The following RDH10 variants were observed in gnomAD, a reference collection of about 807,000 sequenced individuals.
The protein encoded by RDH10 is retinol dehydrogenase 10, also known as retinol dehydrogenase 10 (all-trans).
RDH10 carries 12 observed loss-of-function variants against 30.2 expected under a neutral mutation model. That is an observed-to-expected ratio of 0.40 (90% CI 0.25 to 0.64). The LOEUF (loss-of-function observed/expected upper bound fraction) is 0.64, where lower values mean the gene tolerates loss of function less well. Among genes scored for constraint, RDH10 ranks in the 30% least tolerant of loss-of-function variants. RDH10 has a pLI of 0.43. For missense variants in RDH10, 268 were observed against 445.2 expected (o/e 0.60, Z 3.58); for synonymous variants, 189 against 172.2 (o/e 1.10, Z -0.76).
intron 1 of RDH10, chr8:73,296,906 C>T (rs1234780842): frequency 2.6e-6 from 1 of 389,158 alleles, no homozygotes; most frequent in Non-Finnish European, 4.9e-6. Flanking sequence ...GTGTCTTTAG[C>T]TCCAGCAAGC....
At chr8:73,308,722 G>A (rs1286832410) in intron 2 of RDH10, among the ~76,000 whole-genome samples, 1 of 151,960 alleles carries the variant, frequency 6.6e-6, no homozygotes, top group Admixed American at 6.6e-5. Flanking sequence ...TCATACTAGG[G>A]GCTCTTGCAC....
In RDH10 at chr8:73,319,127, A is replaced by C. The variant is rs1310116206; in HGVS notation, c.557A>C (p.Glu186Ala). Residue 186 changes from glutamate to alanine, a missense_variant, in exon 3 of 6, where the codon GAG becomes GCG. Physicochemically the swap from Glu to Ala is moderately radical, Grantham distance 107. Around this residue, in one of 4 missense-constraint regions of RDH10, gnomAD observed 136 missense variants for 288.8 expected, o/e 0.47. Coordinates refer to ENST00000240285, the MANE Select transcript of RDH10 (RefSeq NM_172037.5). ...TTKAFLPTML[E>A]INHGHIVTVA... ...AAGGCTTTTCTTCCTACGATGCTGG[A>C]GATTAATCATGGTCATATTGTGACA... 1 of 1,613,142 alleles carries C rather than the reference A, an allele frequency of 6.2e-7. No homozygotes were observed. The highest frequency in any genetic ancestry group is 1.7e-4 in the Middle Eastern group (1 of 6,060).
At chr8:73,322,526 A>C in intron 4 of RDH10, 153 bp from the exon 5 acceptor site, 1 of 701,568 alleles carries the variant, frequency 1.4e-6, no homozygotes, top group Non-Finnish European at 2.3e-6. Flanking sequence ...ATAGCAGGAA[A>C]ATTTGGAAAA....
intron 1 of RDH10, among the ~76,000 whole-genome samples, chr8:73,296,192 C>T (rs977242476): frequency 1.3e-5 from 2 of 151,884 alleles, no homozygotes; most frequent in East Asian, 1.9e-4. Flanking sequence ...TTTTGGTCAC[C>T]CCAGAAAATC....
At position 73,324,021 on chromosome 8, in the gene RDH10, C is replaced by G. The variant is rs1408374533; in HGVS notation, c.*985C>G. 2 of 152,626 alleles carry G rather than the reference C, an allele frequency of 1.3e-5. No individual in the cohort carries two copies. The highest frequency in any genetic ancestry group is 2.9e-5 in the Non-Finnish European group (2 of 68,050). The allele number at this position is 152,626 out of a possible 1,614,324, so 9.5% of individuals were successfully genotyped here. The stretch of plus-strand genomic sequence containing the variant: ...GACCTAATTATCCTAAAAGATCATA[C>G]ATTTTCTACCTATGAATTTTGCTGC... On this transcript the variant is annotated 3_prime_UTR_variant, in exon 6 of 6. Transcript: ENST00000240285.
At chr8:73,309,643 A>G (rs1814529192) in intron 2 of RDH10, among the ~76,000 whole-genome samples, 1 of 151,244 alleles carries the variant, frequency 6.6e-6, no homozygotes, top group Non-Finnish European at 1.5e-5. Context: ...TCCAGCCCCA[A>G]ATATATTCCA....
chr8:73,295,816 CG>C, intron 1 of RDH10: 10 of 1,120,098 alleles, frequency 8.9e-6, no homozygotes, highest in Non-Finnish European at 1.1e-5. Context: ...GGGACCACGG[CG>C]GGGGGAGGGG....
At chr8:73,299,702 A>T (rs1382330075) in intron 2 of RDH10, among the ~76,000 whole-genome samples, 3 of 152,216 alleles carry the variant, frequency 2.0e-5, no homozygotes, top group Non-Finnish European at 2.9e-5. Flanking sequence ...CTTTGTCTGC[A>T]TGATTATTTT....
At chr8:73,318,821 CTGCCAA>C (rs1334164720) in intron 2 of RDH10, among the ~76,000 whole-genome samples, 2 of 152,224 alleles carry the variant, frequency 1.3e-5, no homozygotes, top group African/African-American at 4.8e-5. Context: ...TAAGAAGCTT[CTGCCAA>C]TGGCTCTCTT....
At chr8:73,312,898 T>A (rs1814594033) in intron 2 of RDH10, 2 of 152,238 alleles carry the variant, frequency 1.3e-5, no homozygotes, top group South Asian at 2.1e-4. Context: ...TTTTAAAAGA[T>A]GCCTTTTCTT....
chr8:73,308,723 G>A (rs188796100), intron 2 of RDH10, among the ~76,000 whole-genome samples: 73 of 152,146 alleles, frequency 4.8e-4, no homozygotes, highest in African/African-American at 1.7e-3. Context: ...CATACTAGGG[G>A]CTCTTGCACT....
In RDH10 at chr8:73,324,189, A is replaced by G. The variant is rs1160408848; in HGVS notation, c.*1153A>G. On this transcript the variant is annotated 3_prime_UTR_variant, in exon 6 of 6. Coordinates refer to ENST00000240285, the MANE Select transcript of RDH10 (RefSeq NM_172037.5). ...ATTGAAAAGTCCCCATTTTTGTGCC[A>G]ACTATGATTAGTGAGAGGAAGAAAT... 1.3e-5 allele frequency: 2 copies of G among 152,768 alleles called. No individual in the cohort carries two copies. The highest frequency in any genetic ancestry group is 6.5e-5 in the Admixed American group (1 of 15,308). 9.5% of individuals were successfully genotyped at this position (152,768 alleles called of 1,614,324 possible).
chr8:73,322,227 C>G, intron 4 of RDH10: 3 of 334,724 alleles, frequency 9.0e-6, no homozygotes, highest in South Asian at 7.3e-5. Context: ...TTAGCTTTCC[C>G]TCTTCCGGCA....
At position 73,322,703 on chromosome 8, in the gene RDH10, A is replaced by G; in HGVS notation, c.795A>G (p.Pro265=). 2 of 1,611,550 alleles carry G rather than the reference A, an allele frequency of 1.2e-6. No individual in the cohort carries two copies. Among genetic ancestry groups the G allele is most frequent in the Non-Finnish European group, 1.7e-6 (2 of 1,179,346 alleles). ...GGAAAGAAATTGAGCCTTTTCTGCCACCTCTGAAGCCTGATTACTGTGTGA... is the reference window on the plus strand; with the variant it reads ...GGAAAGAAATTGAGCCTTTTCTGCCGCCTCTGAAGCCTGATTACTGTGTGA... The part of the protein sequence containing the change: ...RIRKEIEPFL[P]PLKPDYCVKQ... Residue 265 remains proline (P), a synonymous_variant, in exon 5 of 6, where the codon CCA becomes CCG. Coordinates refer to ENST00000240285, the MANE Select transcript of RDH10 (RefSeq NM_172037.5).
intron 2 of RDH10, among the ~76,000 whole-genome samples, chr8:73,306,052 A>T (rs1240446490): frequency 6.6e-6 from 1 of 152,246 alleles, no homozygotes; most frequent in African/African-American, 2.4e-5. Flanking sequence ...ATAACTCAGA[A>T]GATGGGGGTT....
In RDH10 at chr8:73,295,401, G is replaced by T; in HGVS notation, c.112G>T (p.Val38Leu). The change falls in exon 1 of 6, where the codon GTG becomes TTG. Residue 38 changes from valine to leucine, a missense_variant. Val to Leu is a conservative substitution (Grantham distance 32, BLOSUM62 1). This residue lies in a region of RDH10 where 42 missense variants were observed against 77.6 expected (regional missense o/e 0.54). Transcript: ENST00000240285. ...RPKEKSVAGQ[V>L]CLITGAGSGL... The stretch of plus-strand genomic sequence containing the variant: ...CAAGGAGAAGAGCGTGGCGGGCCAG[G>T]TGTGCCTCATCACCGGCGCCGGCAG... 6.4e-7 allele frequency: 1 copy of T among 1,551,148 alleles called. No homozygotes were observed. The highest frequency in any genetic ancestry group is 8.7e-7 in the Non-Finnish European group (1 of 1,149,374).
intron 2 of RDH10, among the ~76,000 whole-genome samples, chr8:73,316,036 A>G (rs548930624): frequency 6.6e-6 from 1 of 152,146 alleles, no homozygotes; most frequent in East Asian, 1.9e-4. Flanking sequence ...TAGTTGTTTG[A>G]GGCAGGGTCT....
In RDH10 at chr8:73,322,697, T is replaced by A. The variant is rs531103692; in HGVS notation, c.789T>A (p.Phe263Leu). The A allele has an allele frequency of 3.7e-6, 6 of 1,610,734 alleles. No homozygotes were observed. The East Asian group carries it at 1.3e-4, about 36-fold the overall frequency. ...GCRIRKEIEP[F>L]LPPLKPDYCV... ...CTTTCAGGAAAGAAATTGAGCCTTTTCTGCCACCTCTGAAGCCTGATTACT... is the reference window on the plus strand; with the variant it reads ...CTTTCAGGAAAGAAATTGAGCCTTTACTGCCACCTCTGAAGCCTGATTACT... The change falls in exon 5 of 6, where the codon TTT becomes TTA. Residue 263 changes from phenylalanine (F) to leucine (L), a missense_variant. Transcript: ENST00000240285.
In RDH10 at chr8:73,322,744, C is replaced by T; in HGVS notation, c.836C>T (p.Ala279Val). 1.2e-6 allele frequency: 2 copies of T among 1,614,014 alleles called. No individual in the cohort carries two copies. Among genetic ancestry groups the T allele is most frequent in the Non-Finnish European group, 1.7e-6 (2 of 1,179,882 alleles). Residue 279 changes from alanine (A) to valine (V), a missense_variant, in exon 5 of 6, where the codon GCC becomes GTC. Around this residue, in one of 4 missense-constraint regions of RDH10, gnomAD observed 136 missense variants for 288.8 expected, o/e 0.47. Transcript: ENST00000240285. Reference sequence around the variant, plus strand: ...TACTGTGTGAAGCAGGCCATGAAGGCCATCCTCACTGACCAGCCCATGATC... The same window carrying T: ...TACTGTGTGAAGCAGGCCATGAAGGTCATCCTCACTGACCAGCCCATGATC... Reference protein sequence around the residue: ...PDYCVKQAMKAILTDQPMICT... With the variant: ...PDYCVKQAMKVILTDQPMICT...
Sources: gnomAD v4.1 joint callset for allele counts (sites outside exome capture counted in the v4.1 genomes callset) on GRCh38, gnomAD v4.1.1 for gene constraint, gnomAD v4.1.1 regional missense constraint, MANE v1.5 for transcripts, NCBI Gene and HGNC (gene_info 2026-07-23, HGNC 2026-07-21) for gene names.